Variants in RAPGEF2 observed in about 807,000 individuals in gnomAD.
The protein encoded by RAPGEF2 is Rap guanine nucleotide exchange factor 2.
A neutral mutation model predicts 186.7 loss-of-function variants in RAPGEF2; 54 were observed. The ratio of observed to expected loss-of-function variants is 0.29; its 90% CI spans 0.23 to 0.36. The LOEUF is 0.36. Among genes scored for constraint, RAPGEF2 ranks in the 10% least tolerant of loss-of-function variants. The probability of loss-of-function intolerance (pLI) is 1.00; values close to 1 mark genes in which losing one functional copy is unlikely to be tolerated. For synonymous variants in RAPGEF2, 712 were observed against 705.9 expected, an observed-to-expected ratio of 1.01 and a Z score of -0.14; for missense variants, 1,532 against 2,045.0, an observed-to-expected ratio of 0.75 and a Z score of 4.84.
At chr4:159,299,954 T>A (rs1762454149) in intron 7 of RAPGEF2, among the ~76,000 whole-genome samples, 1 of 151,984 alleles carries the variant, frequency 6.6e-6, no homozygotes, top group African/African-American at 2.4e-5. Flanking sequence ...TTTATGCTTA[T>A]ATAAAGTATT....
intron 4 of RAPGEF2, among the ~76,000 whole-genome samples, chr4:159,238,439 G>A (rs1413833737): frequency 6.6e-6 from 1 of 152,024 alleles, no homozygotes; most frequent in Non-Finnish European, 1.5e-5. Context: ...ATACTTCTTT[G>A]GGACATTTCT....
chr4:159,247,064 T>C (rs1303311574), intron 7 of RAPGEF2, among the ~76,000 whole-genome samples: 1 of 152,242 alleles, frequency 6.6e-6, no homozygotes. Context: ...AACATTTGTT[T>C]GCTTAATTGT....
chr4:159,163,322 A>G (rs531406175), intron 1 of RAPGEF2, among the ~76,000 whole-genome samples: 249 of 152,336 alleles, frequency 1.6e-3, no homozygotes, highest in Non-Finnish European at 2.7e-3. Flanking sequence ...TCACATAATG[A>G]GAGATGATCA....
At chr4:159,322,206 G>C in intron 9 of RAPGEF2, 141 bp from the exon 10 acceptor site, 2 of 631,134 alleles carry the variant, frequency 3.2e-6, no homozygotes, top group Non-Finnish European at 5.3e-6. Context: ...AATTCAGCTG[G>C]TGCTAAAGAT....
chr4:159,169,192 C>T (rs1745641506), intron 1 of RAPGEF2, among the ~76,000 whole-genome samples: 1 of 152,026 alleles, frequency 6.6e-6, no homozygotes, highest in African/African-American at 2.4e-5. Context: ...CCCTCAACTC[C>T]CAATCTATGT....
intron 1 of RAPGEF2, among the ~76,000 whole-genome samples, chr4:159,111,245 T>A (rs1306884251): frequency 1.3e-5 from 2 of 152,184 alleles, no homozygotes; most frequent in Non-Finnish European, 2.9e-5. Flanking sequence ...TGCTTTCATA[T>A]CCATTATGTA....
chr4:159,299,034 T>TA (rs1762349235), intron 7 of RAPGEF2, among the ~76,000 whole-genome samples: 1 of 152,200 alleles, frequency 6.6e-6, no homozygotes, highest in Admixed American at 6.5e-5. Context: ...GGAATATACT[T>TA]ACTCCACCTT....
At chr4:159,150,537 G>T (rs1743429585) in intron 1 of RAPGEF2, among the ~76,000 whole-genome samples, 1 of 152,166 alleles carries the variant, frequency 6.6e-6, no homozygotes, top group Admixed American at 6.5e-5. Context: ...GGAATCACCA[G>T]AGAACACACA....
At chr4:159,144,878 T>C (rs990415855) in intron 1 of RAPGEF2, among the ~76,000 whole-genome samples, 2 of 89,950 alleles carry the variant, frequency 2.2e-5, no homozygotes, top group Non-Finnish European at 4.2e-5. Flanking sequence ...TCTTTCTTCC[T>C]GTTTTTTTTT....
chr4:159,161,309 G>GT (rs1486040348), intron 1 of RAPGEF2, among the ~76,000 whole-genome samples: 1 of 152,194 alleles, frequency 6.6e-6, no homozygotes, highest in East Asian at 1.9e-4. Context: ...TTTGGAGGTA[G>GT]TTTCTTTATG....
At chr4:159,259,041 A>G (rs1029056699) in intron 7 of RAPGEF2, among the ~76,000 whole-genome samples, 3 of 152,222 alleles carry the variant, frequency 2.0e-5, no homozygotes, top group African/African-American at 7.2e-5. Context: ...CAATGAAACT[A>G]GCCCACAGTT....
At chr4:159,335,703 C>T (rs1360366817) in intron 17 of RAPGEF2, among the ~76,000 whole-genome samples, 4 of 151,908 alleles carry the variant, frequency 2.6e-5, no homozygotes, top group Non-Finnish European at 4.4e-5. Context: ...GGCATGGTGG[C>T]GGACGTCTGT....
intron 7 of RAPGEF2, among the ~76,000 whole-genome samples, chr4:159,288,249 A>G (rs1041293606): frequency 1.3e-5 from 2 of 152,216 alleles, no homozygotes; most frequent in African/African-American, 4.8e-5. Context: ...TGAGAATTTT[A>G]AAAATCTGAC....
At position 159,343,306 on chromosome 4, in the gene RAPGEF2, G is replaced by A. The variant is rs772172021; in HGVS notation, c.3156G>A (p.Leu1052=). The A allele has an allele frequency of 1.2e-5, 20 of 1,613,828 alleles. No individual in the cohort carries two copies. The East Asian group carries it at 4.0e-4, about 32-fold the overall frequency. ...GAAATGACTCAAAAGTAGACGGGCT[G>A]GTCAATTTTGAGAAGCTAAGGATGA... The part of the protein sequence containing the change: ...HEGNDSKVDG[L]VNFEKLRMIA... The change falls in exon 22 of 30, where the codon CTG becomes CTA. Residue 1052 remains leucine (L), a synonymous_variant. Coordinates refer to ENST00000691494, the MANE Select transcript of RAPGEF2 (RefSeq NM_001394067.2).
intron 1 of RAPGEF2, among the ~76,000 whole-genome samples, chr4:159,140,545 A>G (rs1742201443): frequency 6.6e-6 from 1 of 152,208 alleles, no homozygotes; most frequent in Non-Finnish European, 1.5e-5. Flanking sequence ...GTATCAGAGA[A>G]TTCAGGATTT....
chr4:159,309,472 G>T (rs952515023), intron 8 of RAPGEF2, among the ~76,000 whole-genome samples: 19 of 152,172 alleles, frequency 1.2e-4, no homozygotes, highest in Admixed American at 1.2e-3. Flanking sequence ...TGTGTTGAAT[G>T]AATGTAATTG....
At chr4:159,189,017 A>G (rs1453564930) in intron 2 of RAPGEF2, among the ~76,000 whole-genome samples, 2 of 123,720 alleles carry the variant, frequency 1.6e-5, no homozygotes, top group Non-Finnish European at 3.3e-5. Flanking sequence ...ATAGAGGTAC[A>G]GATAAACCCA....
intron 4 of RAPGEF2, among the ~76,000 whole-genome samples, chr4:159,237,889 G>A (rs1269791206): frequency 7.1e-6 from 1 of 140,046 alleles, no homozygotes; most frequent in Non-Finnish European, 1.5e-5. Context: ...ATGGTGGTAC[G>A]CACCTGTAGT....
chr4:159,281,117 G>A (rs760468233), intron 7 of RAPGEF2, among the ~76,000 whole-genome samples: 26 of 151,222 alleles, frequency 1.7e-4, no homozygotes, highest in Non-Finnish European at 3.7e-4. Flanking sequence ...TCAGTCTCCC[G>A]AGTAGCTGGG....
Sources: allele counts gnomAD v4.1 joint callset (sites outside exome capture counted in the v4.1 genomes callset), GRCh38; gene constraint gnomAD v4.1.1; transcripts MANE v1.5; gene names NCBI Gene and HGNC (gene_info 2026-07-23, HGNC 2026-07-21).